The following GNB5 variants were observed in gnomAD, a reference collection of about 807,000 sequenced individuals.
The protein encoded by GNB5 is G protein subunit beta 5, also known as guanine nucleotide-binding protein subunit beta-5.
Under a neutral mutation model 55.3 loss-of-function variants are expected in GNB5, and 37 were observed. The observed-to-expected ratio is 0.67, with a 90% CI of 0.51 to 0.88. The LOEUF (loss-of-function observed/expected upper bound fraction) is 0.88. Ranked by LOEUF, GNB5 falls within the 40% of genes least tolerant of loss-of-function variation. The pLI, the probability that GNB5 is intolerant of heterozygous loss-of-function variation, is 0.00. For missense variants in GNB5, 476 were observed against 515.3 expected, an observed-to-expected ratio of 0.92 and a Z score of 0.74; for synonymous variants, 219 against 198.5, an observed-to-expected ratio of 1.10 and a Z score of -0.87.
chr15:52,135,949 G>T, intron 7 of GNB5, 193 bp from the exon 8 acceptor site: 1 of 536,264 alleles, frequency 1.9e-6, no homozygotes, highest in South Asian at 2.4e-5. Flanking sequence ...TACAAAGAAG[G>T]AAAGAGTGCA....
At position 52,122,463 on chromosome 15, in the gene GNB5, A is replaced by G. The variant is rs2141179059; in HGVS notation, c.*294T>C. The G allele has an allele frequency of 2.7e-6, 1 of 369,814 alleles. No homozygotes were observed. The highest frequency in any genetic ancestry group is 4.3e-5 in the Admixed American group (1 of 23,150). The allele number at this position is 369,814 out of a possible 1,614,324, so 22.9% of individuals were successfully genotyped here. A position where few individuals can be genotyped will look rare whatever the true frequency, so the allele number is the denominator to read the frequency against. On this transcript the variant is annotated 3_prime_UTR_variant, in exon 13 of 13. Coordinates refer to ENST00000261837, the MANE Select transcript of GNB5 (RefSeq NM_016194.4). ...GCTGAATTCTACTGGTGACAGAATG[A>G]GTTGAGGCTACTATAATTTAGAATA...
chr15:52,143,901 T>C (rs1206506999), intron 6 of GNB5: 1 of 152,230 alleles, frequency 6.6e-6, no homozygotes, highest in African/African-American at 2.4e-5. Flanking sequence ...AGTTTCGTCT[T>C]TGACGCTCTC....
chr15:52,118,863 T>G lies in GNB5; in HGVS notation c.*3894A>C, dbSNP rs1442111022. On this transcript the variant is annotated 3_prime_UTR_variant, in exon 13 of 13. Coordinates refer to ENST00000261837, the MANE Select transcript of GNB5 (RefSeq NM_016194.4). ...CCAGCCTGGGCAACAAGAGCAAAAC[T>G]CCACGTAAAAAAAAAAAAAAAAAAA... is the stretch of plus-strand genomic sequence containing the variant. 1 of 66,818 alleles carries G rather than the reference T, an allele frequency of 1.5e-5. No homozygotes were observed. Among genetic ancestry groups the G allele is most frequent in the African/African-American group, 8.3e-5 (1 of 12,018 alleles). 4.1% of individuals were successfully genotyped at this position (66,818 alleles called of 1,614,324 possible).
chr15:52,126,953 C>T (rs1466879944), intron 10 of GNB5, among the ~76,000 whole-genome samples: 6 of 152,256 alleles, frequency 3.9e-5, no homozygotes, highest in South Asian at 2.1e-4. Context: ...ACCGCCACCA[C>T]GCCTGGCTAA....
At chr15:52,140,828 A>G (rs1313972776) in intron 7 of GNB5, among the ~76,000 whole-genome samples, 1 of 152,218 alleles carries the variant, frequency 6.6e-6, no homozygotes, top group Non-Finnish European at 1.5e-5. Context: ...GTTAGCACGC[A>G]GACCAGGGCA....
chr15:52,145,723 G>A (rs2033959734), intron 6 of GNB5, among the ~76,000 whole-genome samples: 1 of 152,164 alleles, frequency 6.6e-6, no homozygotes, highest in South Asian at 2.1e-4. Context: ...TGGAAGGAGA[G>A]TGAGACTATG....
In GNB5 at chr15:52,133,620, T is replaced by C. The variant is rs976353301; in HGVS notation, c.772-151A>G. 1.3e-5 allele frequency: 8 copies of C among 608,656 alleles called. No individual in the cohort carries two copies. In the Admixed American group the frequency reaches 1.9e-4, roughly 14 times the overall value. The allele number at this position is 608,656 out of a possible 1,614,324, so 37.7% of individuals were successfully genotyped here. Reference sequence around the variant, plus strand: ...TGAGACTAGCTTTACCTGAGGGCACTTTCCTTAGTCAGAAAGCCCTTAGAC... The same window carrying C: ...TGAGACTAGCTTTACCTGAGGGCACCTTCCTTAGTCAGAAAGCCCTTAGAC... On this transcript the variant is annotated intron_variant, in intron 8 of 12. Transcript: ENST00000261837.
Position 52,179,756 on chromosome 15 carries a change from GC to G in GNB5, c.238+11del. On this transcript the variant is annotated intron_variant, in intron 3 of 12. Coordinates refer to ENST00000261837, the MANE Select transcript of GNB5 (RefSeq NM_016194.4). ...TCCGGCTTGCCCCGCCCGCCTCCCG[GC>G]CCGCACTCACGCTCCACATCGTGCA... The G allele has an allele frequency of 6.8e-7, 1 of 1,460,188 alleles. No individual in the cohort carries two copies. Among genetic ancestry groups the G allele is most frequent in the Non-Finnish European group, 9.1e-7 (1 of 1,101,858 alleles). The allele number at this position is 1,460,188 out of a possible 1,614,324, so 90.5% of individuals were successfully genotyped here.
At chr15:52,175,761 C>CAAAT (rs1022777792) in intron 3 of GNB5, among the ~76,000 whole-genome samples, 1 of 148,654 alleles carries the variant, frequency 6.7e-6, no homozygotes, top group African/African-American at 2.5e-5. Context: ...AACAAACAAA[C>CAAAT]AAAAAACGGC....
chr15:52,157,949 T>G (rs1301183759), intron 3 of GNB5, among the ~76,000 whole-genome samples: 1 of 151,898 alleles, frequency 6.6e-6, no homozygotes, highest in East Asian at 1.9e-4. Flanking sequence ...GTATTATTTG[T>G]GTGAACTTGG....
At chr15:52,179,497 G>C (rs769706171) in intron 3 of GNB5, among the ~76,000 whole-genome samples, 77 of 151,380 alleles carry the variant, frequency 5.1e-4, no homozygotes, top group Non-Finnish European at 4.4e-5. Flanking sequence ...CAGGTGATGA[G>C]GATAGCTAGT....
chr15:52,171,990 C>A (rs968572375), intron 3 of GNB5, among the ~76,000 whole-genome samples: 1 of 152,168 alleles, frequency 6.6e-6, no homozygotes, highest in African/African-American at 2.4e-5. Flanking sequence ...TCCCACACAG[C>A]CCCAGGAGGC....
At chr15:52,145,536 T>C (rs1481017251) in intron 6 of GNB5, among the ~76,000 whole-genome samples, 1 of 151,678 alleles carries the variant, frequency 6.6e-6, no homozygotes, top group East Asian at 1.9e-4. Flanking sequence ...TCCCAGCTAC[T>C]TGGGAGGCTG....
chr15:52,147,385 T>A (rs2033999128), intron 6 of GNB5, 74 bp downstream of exon 6: 1 of 857,184 alleles, frequency 1.2e-6, no homozygotes, highest in African/African-American at 1.7e-5. Flanking sequence ...AGTTCTTGTT[T>A]GTTTGTTTTT....
chr15:52,178,782 C>T (rs1283220456), intron 3 of GNB5, among the ~76,000 whole-genome samples: 2 of 152,196 alleles, frequency 1.3e-5, no homozygotes, highest in East Asian at 3.8e-4. Flanking sequence ...GGTAAAGGCC[C>T]TAGCACGAAC....
intron 3 of GNB5, among the ~76,000 whole-genome samples, chr15:52,172,849 C>T (rs939040067): frequency 6.6e-6 from 1 of 152,142 alleles, no homozygotes; most frequent in Non-Finnish European, 1.5e-5. Context: ...AAGTTCCTTG[C>T]GTATCCTTCC....
chr15:52,146,111 C>A (rs575000617), intron 6 of GNB5, among the ~76,000 whole-genome samples: 16 of 151,928 alleles, frequency 1.1e-4, no homozygotes, highest in Non-Finnish European at 2.2e-4. Flanking sequence ...CACCCGCCAC[C>A]GTGCCCGGCT....
intron 2 of GNB5, among the ~76,000 whole-genome samples, chr15:52,183,436 A>G (rs1232951357): frequency 6.6e-6 from 1 of 152,200 alleles, no homozygotes; most frequent in East Asian, 1.9e-4. Flanking sequence ...CTGTAGAAAT[A>G]TACTACAGGT....
chr15:52,137,518 C>G, intron 7 of GNB5: 2 of 1,016,184 alleles, frequency 2.0e-6, no homozygotes, highest in Non-Finnish European at 2.4e-6. Context: ...GAAAAGCAAA[C>G]GTATGTTTTA....
Sources: gnomAD v4.1 joint callset for allele counts (sites outside exome capture counted in the v4.1 genomes callset) on GRCh38, gnomAD v4.1.1 for gene constraint, MANE v1.5 for transcripts, NCBI Gene and HGNC (gene_info 2026-07-23, HGNC 2026-07-21) for gene names.